RAD18: variants seen among roughly 807,000 people sequenced by gnomAD.
RAD18 encodes the protein E3 ubiquitin-protein ligase RAD18.
RAD18 carries 47 observed loss-of-function variants against 60.4 expected under a neutral mutation model. That is an observed-to-expected ratio of 0.78 (90% confidence interval 0.62 to 0.99). The LOEUF is 0.99. Among genes scored for constraint, RAD18 ranks in the 50% least tolerant of loss-of-function variants. The pLI is 0.00. For synonymous variants in RAD18, 225 were observed against 195.5 expected, an observed-to-expected ratio of 1.15 and a Z score of -1.26; for missense variants, 640 against 593.3, an observed-to-expected ratio of 1.08 and a Z score of -0.82.
In RAD18 at chr3:8,939,651, C is replaced by T. The variant is rs755013467; in HGVS notation, c.607G>A (p.Asp203Asn). 6.2e-7 allele frequency: 1 copy of T among 1,607,486 alleles called. No homozygotes were observed. ...ATGTTAACCCCGCAAACAGGACAATCCACTGTATTTTTTAAAAAGAAAAAG... is the reference window on the plus strand; with the variant it reads ...ATGTTAACCCCGCAAACAGGACAATTCACTGTATTTTTTAAAAAGAAAAAG... Reference protein sequence around the residue: ...TSTLKQVTKVDCPVCGVNIPE... With the variant: ...TSTLKQVTKVNCPVCGVNIPE... Residue 203 changes from aspartate to asparagine, a missense_variant and splice_region_variant, in exon 6 of 13, where the codon GAT becomes AAT. Coordinates refer to ENST00000264926, the MANE Select transcript of RAD18 (RefSeq NM_020165.4).
Position 8,880,217 on chromosome 3 carries a change from A to C in RAD18, c.*1140T>G, listed in dbSNP as rs986620872. The C allele has an allele frequency of 1.3e-5, 2 of 152,258 alleles. No individual in the cohort carries two copies. Among genetic ancestry groups the C allele is most frequent in the Non-Finnish European group, 2.9e-5 (2 of 68,046 alleles). 9.4% of individuals were successfully genotyped at this position (152,258 alleles called of 1,614,324 possible). On this transcript the variant is annotated 3_prime_UTR_variant, in exon 13 of 13. Transcript: ENST00000264926. ...CAGCCATAATGAGACTCCACACATTATCAGAAACCCCAAGGCATACCAAAA... is the reference window on the plus strand; with the variant it reads ...CAGCCATAATGAGACTCCACACATTCTCAGAAACCCCAAGGCATACCAAAA...
chr3:8,897,517 A>C (rs2125049482), intron 11 of RAD18, among the ~76,000 whole-genome samples: 2 of 152,338 alleles, frequency 1.3e-5, no homozygotes, highest in South Asian at 4.2e-4. Context: ...CACCCTGAGA[A>C]CGCCCAGTTG....
At chr3:8,917,763 C>G (rs190750439) in intron 7 of RAD18, among the ~76,000 whole-genome samples, 1 of 152,014 alleles carries the variant, frequency 6.6e-6, no homozygotes, top group Admixed American at 6.5e-5. Flanking sequence ...ATATTAAATT[C>G]AAAGCCAACT....
intron 2 of RAD18, among the ~76,000 whole-genome samples, chr3:8,957,476 T>C (rs539201205): frequency 6.6e-6 from 1 of 152,272 alleles, no homozygotes; most frequent in South Asian, 2.1e-4. Context: ...TAGACATATA[T>C]GAGTCTAGCA....
intron 4 of RAD18, among the ~76,000 whole-genome samples, chr3:8,942,320 C>T (rs1290957798): frequency 1.3e-5 from 2 of 152,186 alleles, no homozygotes; most frequent in African/African-American, 4.8e-5. Context: ...CTTGCTCCCA[C>T]TCTCACCACA....
intron 12 of RAD18, among the ~76,000 whole-genome samples, chr3:8,885,781 A>G (rs1025357795): frequency 3.9e-5 from 6 of 152,248 alleles, no homozygotes; most frequent in Admixed American, 6.5e-5. Context: ...GCATGCATGC[A>G]TGTTTCACAC....
At chr3:8,903,556 T>C (rs1015391925) in intron 9 of RAD18, among the ~76,000 whole-genome samples, 6 of 152,334 alleles carry the variant, frequency 3.9e-5, no homozygotes, top group Middle Eastern at 3.4e-3. Flanking sequence ...TACTACCATT[T>C]TAACACCTTT....
Position 8,963,454 on chromosome 3 carries a change from C to T in RAD18, c.-69G>A, listed in dbSNP as rs1941123655. The T allele has an allele frequency of 5.7e-6, 8 of 1,406,458 alleles. No homozygotes were observed. The highest frequency in any genetic ancestry group is 5.1e-5 in the South Asian group (4 of 79,194). The allele number at this position is 1,406,458 out of a possible 1,614,324, so 87.1% of individuals were successfully genotyped here. A position where few individuals can be genotyped will look rare whatever the true frequency, so the allele number is the denominator to read the frequency against. ...CGGCGCTCCAACACCACTCGAAATT[C>T]CCCGCGCTACCGCATTACGTCAGCA... On this transcript the variant is annotated 5_prime_UTR_variant, in exon 1 of 13. Coordinates refer to ENST00000264926, the MANE Select transcript of RAD18 (RefSeq NM_020165.4).
chr3:8,952,611 T>C (rs1940944526), intron 2 of RAD18, among the ~76,000 whole-genome samples: 1 of 152,224 alleles, frequency 6.6e-6, no homozygotes, highest in Admixed American at 6.5e-5. Context: ...ACTGACATTT[T>C]TGGTTAAGTC....
intron 9 of RAD18, among the ~76,000 whole-genome samples, chr3:8,911,885 G>A (rs1268094779): frequency 6.6e-6 from 1 of 152,190 alleles, no homozygotes; most frequent in Admixed American, 6.5e-5. Context: ...AAGTGATAAA[G>A]TTGGGAGGTT....
At chr3:8,948,827 C>T (rs960833399) in intron 2 of RAD18, among the ~76,000 whole-genome samples, 4 of 152,140 alleles carry the variant, frequency 2.6e-5, no homozygotes, top group Non-Finnish European at 4.4e-5. Context: ...TCTGTGTCCT[C>T]CATCTGCAAA....
chr3:8,891,444 C>G (rs188144161), intron 11 of RAD18, among the ~76,000 whole-genome samples: 12 of 152,126 alleles, frequency 7.9e-5, no homozygotes, highest in African/African-American at 2.4e-4. Flanking sequence ...TAGGGGCTTT[C>G]AAATCACCAG....
At chr3:8,883,317 A>C (rs1323096163) in intron 12 of RAD18, among the ~76,000 whole-genome samples, 10 of 152,208 alleles carry the variant, frequency 6.6e-5, no homozygotes, top group African/African-American at 2.4e-4. Context: ...AAATACCAAA[A>C]ATAAACAACC....
chr3:8,951,378 T>C (rs941188275), intron 2 of RAD18, among the ~76,000 whole-genome samples: 2 of 152,156 alleles, frequency 1.3e-5, no homozygotes, highest in Admixed American at 1.3e-4. Context: ...CCTAAAACTA[T>C]ATCCTGAGAA....
intron 7 of RAD18, among the ~76,000 whole-genome samples, chr3:8,921,127 T>C (rs1371201312): frequency 6.6e-6 from 1 of 152,178 alleles, no homozygotes; most frequent in Non-Finnish European, 1.5e-5. Context: ...ATACACACAT[T>C]CACAGAAAAA....
chr3:8,937,758 T>C (rs1940677067), intron 6 of RAD18, among the ~76,000 whole-genome samples: 1 of 152,134 alleles, frequency 6.6e-6, no homozygotes, highest in African/African-American at 2.4e-5. Flanking sequence ...AACCTAACAG[T>C]AACCCTTAAT....
intron 2 of RAD18, among the ~76,000 whole-genome samples, chr3:8,958,034 A>T (rs1330189930): frequency 2.0e-5 from 3 of 152,244 alleles, no homozygotes; most frequent in Non-Finnish European, 2.9e-5. Flanking sequence ...AGGACTCATA[A>T]TGTGCCGGAC....
At position 8,919,747 on chromosome 3, in the gene RAD18, C is replaced by T. The variant is rs531797208; in HGVS notation, c.890-6027G>A. Among the ~76,000 whole-genome samples, 12 of 152,276 alleles carry T rather than the reference C, an allele frequency of 7.9e-5. No individual in the cohort carries two copies. The East Asian group carries it at 2.3e-3, about 29-fold the overall frequency. ...TTCACCAATAAAAAGGACCAGCGCT[C>T]CTCAAAGAAATGGCTGATTTCAGGG... On this transcript the variant is annotated intron_variant, in intron 7 of 12. Coordinates refer to ENST00000264926, the MANE Select transcript of RAD18 (RefSeq NM_020165.4).
In RAD18 at chr3:8,958,961, T is replaced by C. The variant is rs763792024; in HGVS notation, c.92A>G (p.Tyr31Cys). 1 of 1,613,912 alleles carries C rather than the reference T, an allele frequency of 6.2e-7. No homozygotes were observed. The highest frequency in any genetic ancestry group is 8.5e-7 in the Non-Finnish European group (1 of 1,179,846). ...AGGTATTATCATTGCAATGTTGAAA[T>C]ACTCGAAGCAAATTCCACACCGCAG... ...DLLRCGICFEYFNIAMIIPQC... is the reference protein window; with the variant it reads ...DLLRCGICFECFNIAMIIPQC... Residue 31 changes from tyrosine to cysteine, a missense_variant, in exon 2 of 13, where the codon TAT (tyrosine) becomes TGT (cysteine). By Grantham distance (194) the Tyr-to-Cys change is radical (BLOSUM62 -2). Transcript: ENST00000264926.
Sources: allele counts gnomAD v4.1 joint callset (sites outside exome capture counted in the v4.1 genomes callset), GRCh38; gene constraint gnomAD v4.1.1; transcripts MANE v1.5; gene names NCBI Gene and HGNC (gene_info 2026-07-23, HGNC 2026-07-21).